FAM227B: variants seen among roughly 807,000 people sequenced by gnomAD.
The protein encoded by FAM227B is family with sequence similarity 227 member B.
FAM227B carries 88 observed loss-of-function variants against 73.8 expected under a neutral mutation model. The observed-to-expected ratio is 1.19, with a 90% confidence interval of 1.00 to 1.42. The LOEUF (loss-of-function observed/expected upper bound fraction) is 1.42, where lower values mean the gene tolerates loss of function less well. Ranked by LOEUF, FAM227B falls within the 40% of genes most tolerant of loss-of-function variation. The probability of loss-of-function intolerance (pLI) is 0.00; values close to 1 mark genes in which losing one functional copy is unlikely to be tolerated. For missense variants in FAM227B, 632 were observed against 590.9 expected, an observed-to-expected ratio of 1.07 and a Z score of -0.72; for synonymous variants, 210 against 190.5, an observed-to-expected ratio of 1.10 and a Z score of -0.84.
intron 14 of FAM227B, 33 bp from the exon 15 acceptor site, chr15:49,331,882 A>C: frequency 7.6e-7 from 1 of 1,307,210 alleles, no homozygotes. Context: ...CAGTAACCAA[A>C]CTAATTGTCC....
intron 11 of FAM227B, among the ~76,000 whole-genome samples, chr15:49,408,074 C>T (rs780437517): frequency 1.3e-5 from 2 of 152,066 alleles, no homozygotes; most frequent in Non-Finnish European, 2.9e-5. Context: ...CCCACATTTC[C>T]TCTTGGAAAC....
intron 11 of FAM227B, among the ~76,000 whole-genome samples, chr15:49,391,895 T>C (rs2047232753): frequency 6.6e-6 from 1 of 152,162 alleles, no homozygotes; most frequent in Non-Finnish European, 1.5e-5. Context: ...AGCTGCCCAA[T>C]TCTCCTTGCT....
At chr15:49,533,813 A>G (rs2060802714) in intron 10 of FAM227B, among the ~76,000 whole-genome samples, 1 of 151,752 alleles carries the variant, frequency 6.6e-6, no homozygotes, top group Non-Finnish European at 1.5e-5. Flanking sequence ...GTTGTTTTTT[A>G]ATCCATTCAG....
intron 11 of FAM227B, among the ~76,000 whole-genome samples, chr15:49,387,180 GAC>G (rs2046933536): frequency 6.6e-6 from 1 of 151,492 alleles, no homozygotes; most frequent in Non-Finnish European, 1.5e-5. Context: ...TCCAGGAAAA[GAC>G]ACAACAAAAA....
At chr15:49,422,370 A>C (rs2049758383) in intron 11 of FAM227B, 1 of 294,792 alleles carries the variant, frequency 3.4e-6, no homozygotes, top group Admixed American at 5.1e-5. Context: ...AATAGCTTTC[A>C]CTTATTTACC....
At chr15:49,405,531 A>G (rs141984577) in intron 11 of FAM227B, among the ~76,000 whole-genome samples, 6 of 152,310 alleles carry the variant, frequency 3.9e-5, no homozygotes, top group African/African-American at 1.2e-4. Context: ...GCTTTCTTCA[A>G]TGTGGTCTAT....
intron 13 of FAM227B, among the ~76,000 whole-genome samples, chr15:49,338,790 C>T (rs1305523898): frequency 6.6e-6 from 1 of 152,196 alleles, no homozygotes; most frequent in Non-Finnish European, 1.5e-5. Flanking sequence ...GGTCTTTTCA[C>T]ATAGTCCCAT....
At chr15:49,407,659 TATTA>T (rs1439524957) in intron 11 of FAM227B, among the ~76,000 whole-genome samples, 1 of 148,210 alleles carries the variant, frequency 6.7e-6, no homozygotes, top group Non-Finnish European at 1.5e-5. Flanking sequence ...ATTATTATTA[TATTA>T]ATTATATATA....
chr15:49,592,533 T>C (rs1005856144), intron 3 of FAM227B, among the ~76,000 whole-genome samples: 4 of 152,152 alleles, frequency 2.6e-5, no homozygotes, highest in South Asian at 4.1e-4. Context: ...ACAGAAAATA[T>C]TGTTGTCTGA....
intron 11 of FAM227B, among the ~76,000 whole-genome samples, chr15:49,498,132 G>C (rs1472536380): frequency 6.6e-6 from 1 of 152,154 alleles, no homozygotes; most frequent in Non-Finnish European, 1.5e-5. Flanking sequence ...ATTCTACAAT[G>C]ATAATTTTAA....
chr15:49,542,303 G>A (rs2071187049), intron 9 of FAM227B, among the ~76,000 whole-genome samples: 1 of 151,904 alleles, frequency 6.6e-6, no homozygotes, highest in African/African-American at 2.4e-5. Flanking sequence ...AATTATTTGG[G>A]TTGGATTGTT....
intron 11 of FAM227B, among the ~76,000 whole-genome samples, chr15:49,396,993 T>C (rs1417532555): frequency 5.3e-5 from 8 of 152,204 alleles, no homozygotes; most frequent in African/African-American, 7.2e-5. Context: ...CAAAGCTGGA[T>C]GGAGAATGAT....
chr15:49,402,327 G>A (rs544783672), intron 11 of FAM227B, among the ~76,000 whole-genome samples: 6 of 151,842 alleles, frequency 4.0e-5, no homozygotes, highest in African/African-American at 1.4e-4. Flanking sequence ...TCCTAATTCT[G>A]TGAAGAATGT....
chr15:49,476,797 C>T (rs1303311969), intron 11 of FAM227B, among the ~76,000 whole-genome samples: 8 of 152,050 alleles, frequency 5.3e-5, no homozygotes, highest in East Asian at 1.9e-4. Context: ...TGGTGGCTCA[C>T]GCCTGTAATC....
Position 49,573,919 on chromosome 15 carries a change from T to C in FAM227B, c.645+1092A>G, listed in dbSNP as rs775754601. On this transcript the variant is annotated intron_variant, in intron 8 of 15. Transcript: ENST00000299338. ...GATTTGTGTATTTCTCTTTGAAGTA[T>C]TAAGTTTTTATTAAATGTGTTTTGA... Among the ~76,000 whole-genome samples the C allele has an allele frequency of 2.0e-4, 30 of 152,320 alleles. 1 individual carries two copies. The highest frequency in any genetic ancestry group is 6.8e-3 in the Middle Eastern group (2 of 294).
chr15:49,497,127 C>T (rs904462024), intron 11 of FAM227B, among the ~76,000 whole-genome samples: 6 of 152,176 alleles, frequency 3.9e-5, no homozygotes, highest in South Asian at 2.1e-4. Flanking sequence ...ATATTCTACT[C>T]ACCTCATTTT....
chr15:49,577,544 G>A, intron 6 of FAM227B, 85 bp downstream of exon 6: 1 of 788,524 alleles, frequency 1.3e-6, no homozygotes, highest in Non-Finnish European at 2.0e-6. Context: ...TATATTTAGA[G>A]CCTTGTTTAT....
Position 49,327,847 on chromosome 15 carries a change from T to TA in FAM227B, c.*720dup. 1 of 1,048,228 alleles carries TA rather than the reference T, an allele frequency of 9.5e-7. No individual in the cohort carries two copies. Among genetic ancestry groups the TA allele is most frequent in the South Asian group, 1.8e-5 (1 of 54,618 alleles). 64.9% of individuals were successfully genotyped at this position (1,048,228 alleles called of 1,614,324 possible). A position where few individuals can be genotyped will look rare whatever the true frequency, so the allele number is the denominator to read the frequency against. ...TGATGACACCTAAAAACCCCGCATG[T>TA]ATTTTCTTCTTAGAACTTAGATAGG... On this transcript the variant is annotated 3_prime_UTR_variant, in exon 16 of 16. Coordinates refer to ENST00000299338, the MANE Select transcript of FAM227B (RefSeq NM_152647.3).
intron 10 of FAM227B, among the ~76,000 whole-genome samples, chr15:49,508,786 C>T (rs2058765429): frequency 6.6e-6 from 1 of 152,140 alleles, no homozygotes; most frequent in African/African-American, 2.4e-5. Flanking sequence ...ACTTATTTAG[C>T]AGACTTCAGT....
Sources: gnomAD v4.1 joint callset for allele counts (sites outside exome capture counted in the v4.1 genomes callset) on GRCh38, gnomAD v4.1.1 for gene constraint, MANE v1.5 for transcripts, NCBI Gene and HGNC (gene_info 2026-07-23, HGNC 2026-07-21) for gene names.